Variants in NYAP1 observed in about 807,000 individuals in gnomAD.
NYAP1 encodes the protein neuronal tyrosine phosphorylated phosphoinositide-3-kinase adaptor 1, also known as neuronal tyrosine-phosphorylated phosphoinositide-3-kinase adapter 1.
A neutral mutation model predicts 58.6 loss-of-function variants in NYAP1; 20 were observed. The ratio of observed to expected loss-of-function variants is 0.34; its 90% CI spans 0.24 to 0.50. The LOEUF is 0.50. NYAP1 is among the 20% of genes least tolerant of loss of function. NYAP1 has a pLI of 0.98. For missense variants in NYAP1, 1,150 were observed against 1,194.5 expected, an observed-to-expected ratio of 0.96 and a Z score of 0.55; for synonymous variants, 572 against 523.1, an observed-to-expected ratio of 1.09 and a Z score of -1.27.
At chr7:100,492,729 T>C (rs1298330287) in intron 6 of NYAP1, among the ~76,000 whole-genome samples, 1 of 152,168 alleles carries the variant, frequency 6.6e-6, no homozygotes, top group Non-Finnish European at 1.5e-5. Context: ...GGAGACCCTG[T>C]CTTTACAAAA....
chr7:100,493,660 G>T lies in NYAP1; in HGVS notation c.2283G>T (p.Leu761=). Residue 761 remains leucine, a synonymous_variant, in exon 7 of 7, where the codon CTG becomes CTT. Transcript: ENST00000300179. ...CCGCGGCACAGCCCCACCCCGCGCT[G>T]CCGCTGCCTCTGCCCCTGCCGCCCC... ...RDALSQPHPA[L]PLPLPLPPQP... 1 of 1,582,304 alleles carries T rather than the reference G, an allele frequency of 6.3e-7. No individual in the cohort carries two copies.
In NYAP1 at chr7:100,489,556, C is replaced by A. The variant is rs746876777; in HGVS notation, c.1835C>A (p.Ala612Glu). 1 of 1,613,230 alleles carries A rather than the reference C, an allele frequency of 6.2e-7. No homozygotes were observed. The highest frequency in any genetic ancestry group is 1.3e-5 in the African/African-American group (1 of 74,868). Residue 612 changes from alanine to glutamate, a missense_variant, in exon 4 of 7, where the codon GCA becomes GAA. Coordinates refer to ENST00000300179, the MANE Select transcript of NYAP1 (RefSeq NM_173564.4). ...TCCTGTGCCCACGTCATCGCCAGCGCAGGGACACCAGAGGAGGAAGAAGAG... is the reference window on the plus strand; with the variant it reads ...TCCTGTGCCCACGTCATCGCCAGCGAAGGGACACCAGAGGAGGAAGAAGAG... Reference protein sequence around the residue: ...SISCAHVIASAGTPEEEEEEV... With the variant: ...SISCAHVIASEGTPEEEEEEV...
In NYAP1 at chr7:100,486,232, A is replaced by G. The variant is rs2131064916; in HGVS notation, c.69-589A>G. The stretch of plus-strand genomic sequence containing the variant: ...CCACCCTCCACTCAGACAGAAGCTC[A>G]GGGACAGTGGAATGGAATGGGGGTG... On this transcript the variant is annotated intron_variant, in intron 2 of 6. Coordinates refer to ENST00000300179, the MANE Select transcript of NYAP1 (RefSeq NM_173564.4). This position sits in a 1 kb window ranked among gnomAD's most constrained non-coding sequence, Gnocchi z 6.2. Among the ~76,000 whole-genome samples, 1 of 152,118 alleles carries G rather than the reference A, an allele frequency of 6.6e-6. No individual in the cohort carries two copies. Among genetic ancestry groups the G allele is most frequent in the South Asian group, 2.1e-4 (1 of 4,818 alleles).
chr7:100,491,721 G>T (rs1799797926), intron 6 of NYAP1, among the ~76,000 whole-genome samples: 1 of 152,064 alleles, frequency 6.6e-6, no homozygotes, highest in Non-Finnish European at 1.5e-5. Flanking sequence ...AGACCAGCCT[G>T]GCCAATGTGG....
Position 100,487,746 on chromosome 7 carries a change from A to G in NYAP1, c.431-406A>G, listed in dbSNP as rs1487350980. The stretch of plus-strand genomic sequence containing the variant: ...AGGCCAGGCTTGCTGGCCTCAGGTG[A>G]TCCACCCACCTCGGCCTCCCAGAGT... On this transcript the variant is annotated intron_variant, in intron 3 of 6. Transcript: ENST00000300179. The surrounding 1 kb of genome is among the most constrained non-coding windows in gnomAD (Gnocchi z 4.1). Among the ~76,000 whole-genome samples, 2 of 152,044 alleles carry G rather than the reference A, an allele frequency of 1.3e-5. No individual in the cohort carries two copies. Among genetic ancestry groups the G allele is most frequent in the Non-Finnish European group, 2.9e-5 (2 of 67,988 alleles).
At chr7:100,492,908 A>G (rs4388389) in intron 6 of NYAP1, among the ~76,000 whole-genome samples, 3 of 152,042 alleles carry the variant, frequency 2.0e-5, no homozygotes, top group Non-Finnish European at 4.4e-5. Flanking sequence ...AAAGAAAGAA[A>G]AAGAGAGAGA....
chr7:100,488,332 G>T lies in NYAP1; in HGVS notation c.611G>T (p.Gly204Val), dbSNP rs779959857. 2 of 1,609,064 alleles carry T rather than the reference G, an allele frequency of 1.2e-6. No homozygotes were observed. Among genetic ancestry groups the T allele is most frequent in the Non-Finnish European group, 1.7e-6 (2 of 1,178,446 alleles). ...QRLTRGSRVA[G>V]DPDVGAQEEP... ...CTCACTAGGGGGTCCCGAGTAGCTGGGGACCCTGATGTGGGTGCCCAGGAA... is the reference window on the plus strand; with the variant it reads ...CTCACTAGGGGGTCCCGAGTAGCTGTGGACCCTGATGTGGGTGCCCAGGAA... Residue 204 changes from glycine to valine, a missense_variant, in exon 4 of 7, where the codon GGG becomes GTG. By Grantham distance (109) the Gly-to-Val change is moderately radical. Coordinates refer to ENST00000300179, the MANE Select transcript of NYAP1 (RefSeq NM_173564.4). This position sits in a 1 kb window ranked among gnomAD's most constrained non-coding sequence, Gnocchi z 5.9.
Position 100,489,120 on chromosome 7 carries a change from G to A in NYAP1, c.1399G>A (p.Val467Ile), listed in dbSNP as rs1308283038. ...AVSYTMVYSA[V>I]KVTTHSVLPA... ...GTCTTACACCATGGTGTACTCGGCG[G>A]TCAAGGTGACCACGCACTCTGTCCT... Residue 467 changes from valine (V) to isoleucine (I), a missense_variant, in exon 4 of 7, where the codon GTC (valine) becomes ATC (isoleucine). Transcript: ENST00000300179. The A allele has an allele frequency of 6.3e-7, 1 of 1,596,476 alleles. No individual in the cohort carries two copies. The highest frequency in any genetic ancestry group is 1.3e-5 in the African/African-American group (1 of 74,820).
At position 100,489,599 on chromosome 7, in the gene NYAP1, A is replaced by G; in HGVS notation, c.1878A>G (p.Thr626=). The G allele has an allele frequency of 2.8e-6, 4 of 1,437,614 alleles. No homozygotes were observed. Among genetic ancestry groups the G allele is most frequent in the Non-Finnish European group, 2.8e-6 (3 of 1,069,156 alleles). The allele number at this position is 1,437,614 out of a possible 1,614,324, so 89.1% of individuals were successfully genotyped here. ...EEEEEEVGAA[T]FGAGWALQRK... ...AAGAAGAGGAGGTGGGCGCCGCGAC[A>G]TTTGGGGCAGGCTGGGCCCTGCAGA... Residue 626 remains threonine, a synonymous_variant, in exon 4 of 7, where the codon ACA becomes ACG. Coordinates refer to ENST00000300179, the MANE Select transcript of NYAP1 (RefSeq NM_173564.4).
In NYAP1 at chr7:100,490,539, C is replaced by G; in HGVS notation, c.1968C>G (p.Ala656=). Residue 656 remains alanine (A), a synonymous_variant, in exon 5 of 7, where the codon GCC becomes GCG. Transcript: ENST00000300179. The surrounding 1 kb of genome is among the most constrained non-coding windows in gnomAD (Gnocchi z 4.6). ...ELDKVEDGAR[A]WNGSAEGPGK... is the part of the protein sequence containing the mutation. ...CAGAGGTCGAGGACGGTGCCCGGGC[C>G]TGGAATGGCAGTGCCGAGGGTCCAG... 1.3e-6 allele frequency: 2 copies of G among 1,587,838 alleles called. No individual in the cohort carries two copies. Among genetic ancestry groups the G allele is most frequent in the Non-Finnish European group, 1.7e-6 (2 of 1,167,460 alleles).
Position 100,487,016 on chromosome 7 carries a change from G to A in NYAP1, c.264G>A (p.Val88=), listed in dbSNP as rs552446104. 41 of 1,609,574 alleles carry A rather than the reference G, an allele frequency of 2.5e-5. No individual in the cohort carries two copies. In the African/African-American group the frequency reaches 4.4e-4, roughly 17 times the overall value. ...MAPRSLSCHS[V]GSMDSVGGGP... The stretch of plus-strand genomic sequence containing the variant: ...CACGCTCCCTCTCCTGCCACTCGGT[G>A]GGCAGCATGGACAGTGTCGGGGGTG... Residue 88 remains valine (V), a synonymous_variant, in exon 3 of 7, where the codon GTG becomes GTA. Transcript: ENST00000300179. The surrounding 1 kb of genome is among the most constrained non-coding windows in gnomAD (Gnocchi z 4.1).
In NYAP1 at chr7:100,493,742, G is replaced by C; in HGVS notation, c.2365G>C (p.Val789Leu). 6.2e-7 allele frequency: 1 copy of C among 1,605,018 alleles called. No homozygotes were observed. The highest frequency in any genetic ancestry group is 8.5e-7 in the Non-Finnish European group (1 of 1,178,352). The change falls in exon 7 of 7, where the codon GTG becomes CTG. Residue 789 changes from valine (V) to leucine (L), a missense_variant. Val to Leu is a conservative substitution (Grantham distance 32). Coordinates refer to ENST00000300179, the MANE Select transcript of NYAP1 (RefSeq NM_173564.4). ...GGAGGTGATCGAGCGCAAGCGCTGC[G>C]TGTGCAAGGAGATCAAGGCGCGCCA... ...LLEVIERKRC[V>L]CKEIKARHRP...
Position 100,487,449 on chromosome 7 carries a change from G to A in NYAP1, c.430+267G>A, listed in dbSNP as rs569169706. Among the ~76,000 whole-genome samples, 3 of 152,142 alleles carry A rather than the reference G, an allele frequency of 2.0e-5. No homozygotes were observed. The highest frequency in any genetic ancestry group is 4.4e-5 in the Non-Finnish European group (3 of 68,024). On this transcript the variant is annotated intron_variant, in intron 3 of 6. Transcript: ENST00000300179. The surrounding 1 kb of genome is among the most constrained non-coding windows in gnomAD (Gnocchi z 4.1). Reference sequence around the variant, plus strand: ...AGGAGCTGCGAATTCTGGAGAATACGTTAGAAAGACTGAGGGCTGTGGGAC... The same window carrying A: ...AGGAGCTGCGAATTCTGGAGAATACATTAGAAAGACTGAGGGCTGTGGGAC...
In NYAP1 at chr7:100,487,196, T is replaced by G; in HGVS notation, c.430+14T>G. On this transcript the variant is annotated intron_variant, in intron 3 of 6. Coordinates refer to ENST00000300179, the MANE Select transcript of NYAP1 (RefSeq NM_173564.4). The surrounding 1 kb of genome is among the most constrained non-coding windows in gnomAD (Gnocchi z 4.1). The stretch of plus-strand genomic sequence containing the variant: ...GCAAGAAAGCAGGTGAGATACCCCC[T>G]ATCTCTCCCTGGGGTGGAGCTGGGA... 6.8e-7 allele frequency: 1 copy of G among 1,479,684 alleles called. No individual in the cohort carries two copies. Among genetic ancestry groups the G allele is most frequent in the Non-Finnish European group, 9.0e-7 (1 of 1,116,222 alleles). 91.7% of individuals were successfully genotyped at this position (1,479,684 alleles called of 1,614,324 possible). A position where few individuals can be genotyped will look rare whatever the true frequency, so the allele number is the denominator to read the frequency against.
rs1024895548 is a variant in NYAP1 at position 100,485,120 on chromosome 7, T to G, written c.-84-108T>G. 15 of 590,508 alleles carry G rather than the reference T, an allele frequency of 2.5e-5. No individual in the cohort carries two copies. Among genetic ancestry groups the G allele is most frequent in the African/African-American group, 5.6e-5 (3 of 53,468 alleles). 36.6% of individuals were successfully genotyped at this position (590,508 alleles called of 1,614,324 possible). A position where few individuals can be genotyped will look rare whatever the true frequency, so the allele number is the denominator to read the frequency against. On this transcript the variant is annotated intron_variant, in intron 1 of 6. Coordinates refer to ENST00000300179, the MANE Select transcript of NYAP1 (RefSeq NM_173564.4). This position sits in a 1 kb window ranked among gnomAD's most constrained non-coding sequence, Gnocchi z 5.7. ...GGTTTTCTGTCTGTGTTTTCCTCTC[T>G]GAGGACCCGAGTCATGTCTCTTCTC...
chr7:100,490,643 C>T lies in NYAP1; in HGVS notation c.2072C>T (p.Ala691Val), dbSNP rs1799782893. The change falls in exon 5 of 7, where the codon GCC becomes GTC. Residue 691 changes from alanine (A) to valine (V), a missense_variant. Transcript: ENST00000300179. This position sits in a 1 kb window ranked among gnomAD's most constrained non-coding sequence, Gnocchi z 4.6. ...AGCCAGGGGGCAGAGGGACTGCTGG[C>T]CAGGATCCACCATGGAGACCGAGGA... ...VRSQGAEGLLARIHHGDRGGS... is the reference protein window; with the variant it reads ...VRSQGAEGLLVRIHHGDRGGS... 2 of 1,568,742 alleles carry T rather than the reference C, an allele frequency of 1.3e-6. No individual in the cohort carries two copies. The highest frequency in any genetic ancestry group is 1.7e-6 in the Non-Finnish European group (2 of 1,157,200).
Position 100,485,524 on chromosome 7 carries a change from C to T in NYAP1, c.68+145C>T, listed in dbSNP as rs527550442. On this transcript the variant is annotated intron_variant, in intron 2 of 6. Coordinates refer to ENST00000300179, the MANE Select transcript of NYAP1 (RefSeq NM_173564.4). This position sits in a 1 kb window ranked among gnomAD's most constrained non-coding sequence, Gnocchi z 5.7. Reference sequence around the variant, plus strand: ...TCAGTACGGAATGGCCAGGATTGCACACACTGTCCTGGCCCAACTCCTGCT... The same window carrying T: ...TCAGTACGGAATGGCCAGGATTGCATACACTGTCCTGGCCCAACTCCTGCT... 2.6e-5 allele frequency: 17 copies of T among 664,324 alleles called. No individual in the cohort carries two copies. The African/African-American group carries it at 3.1e-4, about 12-fold the overall frequency. 41.2% of individuals were successfully genotyped at this position (664,324 alleles called of 1,614,324 possible). A position where few individuals can be genotyped will look rare whatever the true frequency, so the allele number is the denominator to read the frequency against.
At chr7:100,493,522 T>A in intron 6 of NYAP1, 124 bp from the exon 7 acceptor site, 1 of 893,320 alleles carries the variant, frequency 1.1e-6, no homozygotes. Flanking sequence ...GCAGAGGCCG[T>A]TGGGGGGCAA....
At position 100,489,509 on chromosome 7, in the gene NYAP1, T is replaced by C. The variant is rs762987491; in HGVS notation, c.1788T>C (p.Asp596=). 8.7e-6 allele frequency: 14 copies of C among 1,612,962 alleles called. No individual in the cohort carries two copies. Among genetic ancestry groups the C allele is most frequent in the African/African-American group, 2.7e-5 (2 of 74,786 alleles). The change falls in exon 4 of 7, where the codon GAT becomes GAC. Residue 596 remains aspartate, a synonymous_variant. Coordinates refer to ENST00000300179, the MANE Select transcript of NYAP1 (RefSeq NM_173564.4). ...VKIQLQEQGT[D]GGAFASISCA... Reference sequence around the variant, plus strand: ...TCCAGCTGCAGGAGCAAGGGACCGATGGGGGTGCTTTTGCCAGCATCTCCT... The same window carrying C: ...TCCAGCTGCAGGAGCAAGGGACCGACGGGGGTGCTTTTGCCAGCATCTCCT...
Sources: allele counts gnomAD v4.1 joint callset (sites outside exome capture counted in the v4.1 genomes callset), GRCh38; gene constraint gnomAD v4.1.1; non-coding constraint Gnocchi (gnomAD v3.1); transcripts MANE v1.5; gene names NCBI Gene and HGNC (gene_info 2026-07-23, HGNC 2026-07-21).